The following NR3C2 variants were observed in gnomAD, a reference collection of about 807,000 sequenced individuals.
The protein encoded by NR3C2 is nuclear receptor subfamily 3 group C member 2, also known as mineralocorticoid receptor.
Under a neutral mutation model 86.4 loss-of-function variants are expected in NR3C2, and 15 were observed. That is an observed-to-expected ratio of 0.17 (90% CI 0.12 to 0.27). The LOEUF is 0.27. Among genes scored for constraint, NR3C2 ranks in the 10% least tolerant of loss-of-function variants. The pLI is 1.00. For missense variants in NR3C2, 960 were observed against 1,195.6 expected, an observed-to-expected ratio of 0.80 and a Z score of 2.91; for synonymous variants, 458 against 450.5, an observed-to-expected ratio of 1.02 and a Z score of -0.21.
At chr4:148,443,909 C>G (rs1415282885), upstream of NR3C2, 1 of 801,882 alleles carries the variant, frequency 1.2e-6, no homozygotes, top group Non-Finnish European at 1.5e-6. Flanking sequence ...CAGTCAGGAA[C>G]TCCCTGGAGA....
chr4:148,369,589 T>C (rs1746314037), intron 2 of NR3C2, among the ~76,000 whole-genome samples: 1 of 152,216 alleles, frequency 6.6e-6, no homozygotes, highest in South Asian at 2.1e-4. Flanking sequence ...TTTAGCACTT[T>C]GAGTATAATC....
At chr4:148,102,393 G>A (rs1731577943) in intron 8 of NR3C2, among the ~76,000 whole-genome samples, 1 of 152,182 alleles carries the variant, frequency 6.6e-6, no homozygotes. Context: ...CCTCCAGAAT[G>A]TCCTAAAGGT....
Position 148,087,836 on chromosome 4 carries a change from A to G in NR3C2, c.2800-6337T>C, listed in dbSNP as rs190956585. ...AAAGACTTCATGACTAAAACACCAAAAGCAATGGCAACAACAGCCAAAATG... is the reference window on the plus strand; with the variant it reads ...AAAGACTTCATGACTAAAACACCAAGAGCAATGGCAACAACAGCCAAAATG... On this transcript the variant is annotated intron_variant, in intron 8 of 8. Transcript: ENST00000358102. 2.6e-4 allele frequency among the ~76,000 whole-genome samples: 40 copies of G among 152,338 alleles called. 1 individual carries two copies. The East Asian group carries it at 7.7e-3, about 29-fold the overall frequency.
Position 148,155,266 on chromosome 4 carries a change from C to T in NR3C2, c.2015-365G>A, listed in dbSNP as rs74734620. 6.4e-3 allele frequency among the ~76,000 whole-genome samples: 977 copies of T among 152,208 alleles called. 61 individuals are homozygous for T. In the East Asian group the frequency reaches 0.15, roughly 23 times the overall value. On this transcript the variant is annotated intron_variant, in intron 4 of 8. Transcript: ENST00000358102. Reference sequence around the variant, plus strand: ...TTAAGAAATGTACCACCAACTGCACCGCAGTGCAGGTAGAGATCGGTAAGG... The same window carrying T: ...TTAAGAAATGTACCACCAACTGCACTGCAGTGCAGGTAGAGATCGGTAAGG...
At chr4:148,252,701 C>T (rs1468832681) in intron 3 of NR3C2, among the ~76,000 whole-genome samples, 1 of 152,170 alleles carries the variant, frequency 6.6e-6, no homozygotes, top group Non-Finnish European at 1.5e-5. Flanking sequence ...TGCTAGAAAG[C>T]TGAGTGCCAA....
At chr4:148,388,497 T>C (rs183117377) in intron 2 of NR3C2, among the ~76,000 whole-genome samples, 306 of 152,330 alleles carry the variant, frequency 2.0e-3, no homozygotes, top group African/African-American at 7.1e-3. Context: ...GTCACTCTCC[T>C]AAGTTATAAA....
chr4:148,309,874 T>G (rs1407859067), intron 2 of NR3C2, among the ~76,000 whole-genome samples: 1 of 151,986 alleles, frequency 6.6e-6, no homozygotes, highest in East Asian at 1.9e-4. Flanking sequence ...TAGAATGTGT[T>G]AAGTGAACAA....
intron 2 of NR3C2, 107 bp downstream of exon 2, chr4:148,434,997 A>G (rs1749966196): frequency 2.7e-6 from 3 of 1,120,780 alleles, no homozygotes; most frequent in Middle Eastern, 3.9e-4. Context: ...GACCATCCTT[A>G]AAACAGTAAT....
chr4:148,118,896 T>C (rs981739931), intron 7 of NR3C2, among the ~76,000 whole-genome samples: 3 of 152,160 alleles, frequency 2.0e-5, no homozygotes, highest in Admixed American at 2.0e-4. Flanking sequence ...CCAGTCATGG[T>C]AATACCCCCC....
At chr4:148,340,541 A>G (rs1414035712) in intron 2 of NR3C2, among the ~76,000 whole-genome samples, 1 of 152,162 alleles carries the variant, frequency 6.6e-6, no homozygotes, top group Non-Finnish European at 1.5e-5. Flanking sequence ...ACTAGAAGAA[A>G]CTATTAGGGA....
chr4:148,264,000 T>G (rs1249100058), intron 2 of NR3C2, among the ~76,000 whole-genome samples: 1 of 152,222 alleles, frequency 6.6e-6, no homozygotes, highest in Non-Finnish European at 1.5e-5. Context: ...TACTATTTAT[T>G]GAGTGAATGA....
chr4:148,299,378 G>A lies in NR3C2; in HGVS notation c.1758-39261C>T, dbSNP rs189426863. Among the ~76,000 whole-genome samples the A allele has an allele frequency of 7.6e-3, 1,155 of 152,214 alleles. 9 individuals are homozygous for A. Among genetic ancestry groups the A allele is most frequent in the Middle Eastern group, 0.014 (4 of 294 alleles). ...CTGCATCCCCAACCCTGTCGCTCTG[G>A]GGGGTTAGAAATGTCGGCCTTGGTC... On this transcript the variant is annotated intron_variant, in intron 2 of 8. Coordinates refer to ENST00000358102, the MANE Select transcript of NR3C2 (RefSeq NM_000901.5).
At chr4:148,309,962 T>G (rs1350436837) in intron 2 of NR3C2, among the ~76,000 whole-genome samples, 1 of 150,566 alleles carries the variant, frequency 6.6e-6, no homozygotes, top group African/African-American at 2.4e-5. Context: ...AACAAAAAAA[T>G]GAAGGCTCTC....
intron 2 of NR3C2, among the ~76,000 whole-genome samples, chr4:148,366,324 G>A (rs115360544): frequency 1.1e-3 from 149 of 139,290 alleles, no homozygotes; most frequent in African/African-American, 3.8e-3. Context: ...GTGCAGTCAT[G>A]GCTTGCTCCC....
intron 8 of NR3C2, among the ~76,000 whole-genome samples, chr4:148,083,320 C>T (rs996707440): frequency 4.6e-5 from 7 of 152,192 alleles, no homozygotes; most frequent in African/African-American, 9.7e-5. Flanking sequence ...TGGCATCTGG[C>T]GGGTGCCCCA....
At chr4:148,443,910 T>A, upstream of NR3C2, 1 of 805,958 alleles carries the variant, frequency 1.2e-6, no homozygotes, top group Non-Finnish European at 1.5e-6. Context: ...AGTCAGGAAC[T>A]CCCTGGAGAT....
rs138670744 is a variant in NR3C2 at position 148,237,671 on chromosome 4, G to GT, written c.1897+22306dup. 4.0e-3 allele frequency among the ~76,000 whole-genome samples: 569 copies of GT among 143,616 alleles called. 2 individuals are homozygous for GT. The highest frequency in any genetic ancestry group is 5.5e-3 in the African/African-American group (213 of 38,382). The allele number at this position is 143,616 out of a possible 152,430, so 94.2% of individuals were successfully genotyped here. ...GGAGCACTGCCCAAAAACAAAATGG[G>GT]TTTTTTTTTTTTTTTGGAAGCCAAA... is the stretch of plus-strand genomic sequence containing the variant. On this transcript the variant is annotated intron_variant, in intron 3 of 8. Transcript: ENST00000358102.
At chr4:148,163,541 G>GA (rs1413249297) in intron 4 of NR3C2, among the ~76,000 whole-genome samples, 1 of 152,110 alleles carries the variant, frequency 6.6e-6, no homozygotes, top group African/African-American at 2.4e-5. Context: ...AGCACCATGG[G>GA]AAAAAACCAA....
intron 2 of NR3C2, among the ~76,000 whole-genome samples, chr4:148,377,763 G>GTAGT (rs1746751666): frequency 6.6e-6 from 1 of 152,072 alleles, no homozygotes; most frequent in African/African-American, 2.4e-5. Context: ...CTGCAGTAGA[G>GTAGT]TAGTTTCCTG....
Sources: gnomAD v4.1 joint callset for allele counts (sites outside exome capture counted in the v4.1 genomes callset) on GRCh38, gnomAD v4.1.1 for gene constraint, MANE v1.5 for transcripts, NCBI Gene and HGNC (gene_info 2026-07-23, HGNC 2026-07-21) for gene names.